Variants in ARIH1 observed in about 807,000 individuals in gnomAD.
ARIH1 encodes the protein E3 ubiquitin-protein ligase ARIH1.
ARIH1 carries 8 observed loss-of-function variants against 85.0 expected under a neutral mutation model. That is an observed-to-expected ratio of 0.09 (90% CI 0.06 to 0.17). ARIH1 has a LOEUF of 0.17. Among genes scored for constraint, ARIH1 ranks in the 10% least tolerant of loss-of-function variants. The pLI is 1.00. For synonymous variants in ARIH1, 238 were observed against 253.6 expected (o/e 0.94, Z 0.59); for missense variants, 311 against 718.1 (o/e 0.43, Z 6.48).
intron 13 of ARIH1, 116 bp from the exon 14 acceptor site, chr15:72,583,092 G>A (rs2064300971): frequency 2.9e-6 from 2 of 695,144 alleles, no homozygotes; most frequent in African/African-American, 1.8e-5. Flanking sequence ...ATAAAAAATA[G>A]GTGCTTGGTT....
chr15:72,552,447 C>G (rs905218194), intron 3 of ARIH1, among the ~76,000 whole-genome samples: 2 of 152,130 alleles, frequency 1.3e-5, no homozygotes, highest in African/African-American at 4.8e-5. Flanking sequence ...ACTACCACAC[C>G]TGGCTAGTTT....
chr15:72,535,707 T>C lies in ARIH1; in HGVS notation c.444-9113T>C, dbSNP rs369643320. 3.3e-5 allele frequency among the ~76,000 whole-genome samples: 5 copies of C among 152,146 alleles called. No individual in the cohort carries two copies. The East Asian group carries it at 5.8e-4, about 18-fold the overall frequency. ...CCACTGTTGCATGAATCACAAGTAG[T>C]AGTGTGTTTTATTTTCTAGATAAAA... On this transcript the variant is annotated intron_variant, in intron 2 of 13. Transcript: ENST00000379887.
intron 2 of ARIH1, among the ~76,000 whole-genome samples, chr15:72,520,049 T>C (rs1341416386): frequency 6.6e-6 from 1 of 152,200 alleles, no homozygotes; most frequent in Non-Finnish European, 1.5e-5. Context: ...GGATTTAATG[T>C]TGTACTAAAT....
At chr15:72,521,353 A>G (rs1463288349) in intron 2 of ARIH1, among the ~76,000 whole-genome samples, 1 of 151,978 alleles carries the variant, frequency 6.6e-6, no homozygotes, top group African/African-American at 2.4e-5. Context: ...ATATACTGAA[A>G]CTTACTGTAA....
Position 72,584,026 on chromosome 15 carries a change from A to G in ARIH1, c.*734A>G, listed in dbSNP as rs1174542001. 2.0e-5 allele frequency: 3 copies of G among 152,106 alleles called. No individual in the cohort carries two copies. The highest frequency in any genetic ancestry group is 7.2e-5 in the African/African-American group (3 of 41,428). The allele number at this position is 152,106 out of a possible 1,614,324, so 9.4% of individuals were successfully genotyped here. ...TCAAGATTATGTCTATTTGCTGTGC[A>G]TTTTCTTTCAGTTTGCTTATCTTTC... On this transcript the variant is annotated 3_prime_UTR_variant, in exon 14 of 14. Transcript: ENST00000379887.
In ARIH1 at chr15:72,584,855, C is replaced by T. The variant is rs546292521; in HGVS notation, c.*1563C>T. The T allele has an allele frequency of 6.6e-6, 1 of 151,338 alleles. No individual in the cohort carries two copies. The highest frequency in any genetic ancestry group is 2.4e-5 in the African/African-American group (1 of 41,170). The allele number at this position is 151,338 out of a possible 1,614,324, so 9.4% of individuals were successfully genotyped here. Reference sequence around the variant, plus strand: ...GCTGTGGTATTTTTCAATAGGTCAGCATCTGTAAATCTGTCAGTTTTATAC... The same window carrying T: ...GCTGTGGTATTTTTCAATAGGTCAGTATCTGTAAATCTGTCAGTTTTATAC... On this transcript the variant is annotated 3_prime_UTR_variant, in exon 14 of 14. Transcript: ENST00000379887.
Position 72,594,811 on chromosome 15 carries a change from C to CTTTTTTTTT in ARIH1, c.*11538_*11546dup, listed in dbSNP as rs71137306. The CTTTTTTTTT allele has an allele frequency of 0.012, 933 of 79,668 alleles. 117 individuals carry two copies. The highest frequency in any genetic ancestry group is 0.048 in the African/African-American group (795 of 16,462). 4.9% of individuals were successfully genotyped at this position (79,668 alleles called of 1,614,324 possible). On this transcript the variant is annotated 3_prime_UTR_variant, in exon 14 of 14. Coordinates refer to ENST00000379887, the MANE Select transcript of ARIH1 (RefSeq NM_005744.5). Reference sequence around the variant, plus strand: ...TTTTTCTGATTTTATGCCTTTTCTTCTTTTTTTTTTTTTTTTTTTTTTTTT... The same window carrying CTTTTTTTTT: ...TTTTTCTGATTTTATGCCTTTTCTTCTTTTTTTTTTTTTTTTTTTTTTTTTTTTTTTTTT...
chr15:72,482,471 C>G (rs2063820218), intron 1 of ARIH1, among the ~76,000 whole-genome samples: 1 of 152,072 alleles, frequency 6.6e-6, no homozygotes, highest in African/African-American at 2.4e-5. Flanking sequence ...AAGAGGAAGT[C>G]ATTCTAAGGA....
intron 3 of ARIH1, among the ~76,000 whole-genome samples, chr15:72,554,371 C>G (rs1172442500): frequency 6.6e-6 from 1 of 152,110 alleles, no homozygotes; most frequent in African/African-American, 2.4e-5. Flanking sequence ...ACATCCTCAC[C>G]AACACTTGTT....
chr15:72,589,529 G>GTATTAGCTCCAGGTA lies in ARIH1; in HGVS notation c.*6238_*6239insATTAGCTCCAGGTAT, dbSNP rs2064331779. 1 of 152,156 alleles carries GTATTAGCTCCAGGTA rather than the reference G, an allele frequency of 6.6e-6. No individual in the cohort carries two copies. The highest frequency in any genetic ancestry group is 2.1e-4 in the South Asian group (1 of 4,832). 9.4% of individuals were successfully genotyped at this position (152,156 alleles called of 1,614,324 possible). ...GCTCTTACTGCTGCTTTTCCTGTCA[G>GTATTAGCTCCAGGTA]TTACCCCATAGCTCCAGGTATTACA... On this transcript the variant is annotated 3_prime_UTR_variant, in exon 14 of 14. Transcript: ENST00000379887.
rs2064297302 is a variant in ARIH1, at chr15:72,582,061, C to T, written c.1477-14C>T. On this transcript the variant is annotated splice_polypyrimidine_tract_variant and intron_variant, in intron 12 of 13. Transcript: ENST00000379887. This position sits in a 1 kb window ranked among gnomAD's most constrained non-coding sequence, Gnocchi z 4.6. ...TTATTTTGAAGCCAAAATTTACTTT[C>T]ATTCTTCTTACAGAATAACCAAGCA... 1 of 1,573,786 alleles carries T rather than the reference C, an allele frequency of 6.4e-7. No individual in the cohort carries two copies. Among genetic ancestry groups the T allele is most frequent in the African/African-American group, 1.4e-5 (1 of 73,310 alleles).
At chr15:72,478,788 A>G (rs1200613547) in intron 1 of ARIH1, among the ~76,000 whole-genome samples, 1 of 152,214 alleles carries the variant, frequency 6.6e-6, no homozygotes, top group African/African-American at 2.4e-5. Flanking sequence ...CAGGGTGAGT[A>G]GAGTGAGAAG....
At chr15:72,575,551 CAAAAAAAAA>C (rs59727915) in intron 11 of ARIH1, among the ~76,000 whole-genome samples, 16 of 60,556 alleles carry the variant, frequency 2.6e-4, no homozygotes, top group African/African-American at 9.6e-4. Flanking sequence ...ACCCTGTCTC[CAAAAAAAAA>C]AAAAAAAAAA....
At position 72,583,335 on chromosome 15, in the gene ARIH1, A is replaced by G. The variant is rs1237579763; in HGVS notation, c.*43A>G. ...ATGAACTCTGAAAACTTTACCATCTAGAGTGCTCATGCAATTAAAACAAAA... is the reference window on the plus strand; with the variant it reads ...ATGAACTCTGAAAACTTTACCATCTGGAGTGCTCATGCAATTAAAACAAAA... On this transcript the variant is annotated 3_prime_UTR_variant, in exon 14 of 14. Transcript: ENST00000379887. The G allele has an allele frequency of 1.3e-6, 2 of 1,511,146 alleles. No individual in the cohort carries two copies. The highest frequency in any genetic ancestry group is 1.1e-5 in the South Asian group (1 of 87,524). The allele number at this position is 1,511,146 out of a possible 1,614,324, so 93.6% of individuals were successfully genotyped here. A position where few individuals can be genotyped will look rare whatever the true frequency, so the allele number is the denominator to read the frequency against.
intron 1 of ARIH1, among the ~76,000 whole-genome samples, chr15:72,483,983 C>T (rs2063826716): frequency 6.7e-6 from 1 of 150,184 alleles, no homozygotes; most frequent in South Asian, 2.1e-4. Context: ...ACCAGCCTGG[C>T]CAAATGGCGA....
chr15:72,519,513 C>T (rs1595859560), intron 2 of ARIH1, among the ~76,000 whole-genome samples: 4 of 103,572 alleles, frequency 3.9e-5, no homozygotes, highest in African/African-American at 1.7e-4. Flanking sequence ...GACGGAGTTT[C>T]GCTCTTGTTG....
At position 72,594,808 on chromosome 15, in the gene ARIH1, C is replaced by CTTTTT. The variant is rs1595878638; in HGVS notation, c.*11518_*11519insTTTTT. On this transcript the variant is annotated 3_prime_UTR_variant, in exon 14 of 14. Coordinates refer to ENST00000379887, the MANE Select transcript of ARIH1 (RefSeq NM_005744.5). ...TTCTTTTTCTGATTTTATGCCTTTTCTTCTTTTTTTTTTTTTTTTTTTTTT... is the reference window on the plus strand; with the variant it reads ...TTCTTTTTCTGATTTTATGCCTTTTCTTTTTTTCTTTTTTTTTTTTTTTTTTTTTT... 2.4e-5 allele frequency: 1 copy of CTTTTT among 41,012 alleles called. No individual in the cohort carries two copies. Among genetic ancestry groups the CTTTTT allele is most frequent in the African/African-American group, 1.1e-4 (1 of 9,122 alleles). The allele number at this position is 41,012 out of a possible 1,614,324, so 2.5% of individuals were successfully genotyped here.
intron 1 of ARIH1, among the ~76,000 whole-genome samples, chr15:72,478,289 T>C (rs1345456641): frequency 6.6e-6 from 1 of 151,812 alleles, no homozygotes; most frequent in African/African-American, 2.4e-5. Context: ...CTACTTTTTG[T>C]ATTTTTTAGT....
At chr15:72,547,409 T>A (rs2064134510) in intron 3 of ARIH1, among the ~76,000 whole-genome samples, 1 of 152,040 alleles carries the variant, frequency 6.6e-6, no homozygotes. Context: ...ATTTTTGTAT[T>A]TTTAGTAGAG....
Sources: gnomAD v4.1 joint callset for allele counts (sites outside exome capture counted in the v4.1 genomes callset) on GRCh38, gnomAD v4.1.1 for gene constraint, Gnocchi (gnomAD v3.1) non-coding constraint, MANE v1.5 for transcripts, NCBI Gene and HGNC (gene_info 2026-07-23, HGNC 2026-07-21) for gene names.